ENTREP2: variants seen among roughly 807,000 people sequenced by gnomAD.
ENTREP2 encodes the protein endosomal transmembrane epsin interactor 2.
the ENTREP2 span, among the ~76,000 whole-genome samples, chr15:29,190,431 G>A: frequency 6.6e-6 from 1 of 152,116 alleles, no homozygotes; most frequent in African/African-American, 2.4e-5. Flanking sequence ...GGGGTTTCGG[G>A]GCCTCCAAAC....
the ENTREP2 span, among the ~76,000 whole-genome samples, chr15:29,668,122 A>C: frequency 6.6e-6 from 1 of 152,200 alleles, no homozygotes; most frequent in Non-Finnish European, 1.5e-5. Flanking sequence ...TAGCCAATCA[A>C]TCGTGGAAGA....
the ENTREP2 span, among the ~76,000 whole-genome samples, chr15:29,368,337 A>AT: frequency 0.026 from 3,831 of 146,106 alleles, 144 homozygotes; most frequent in African/African-American, 0.079. Context: ...CAAAAAAAAA[A>AT]ATATATATAT....
the ENTREP2 span, among the ~76,000 whole-genome samples, chr15:29,586,637 TACTCAGGA>T: frequency 6.6e-6 from 1 of 151,850 alleles, no homozygotes; most frequent in Non-Finnish European, 1.5e-5. Flanking sequence ...CACACCCAGC[TACTCAGGA>T]GGCTGAGACA....
chr15:29,618,157 C>T, the ENTREP2 span, among the ~76,000 whole-genome samples: 1 of 152,162 alleles, frequency 6.6e-6, no homozygotes, highest in African/African-American at 2.4e-5. Context: ...GGCGTGGTAG[C>T]TCACGCCTGT....
the ENTREP2 span, among the ~76,000 whole-genome samples, chr15:29,462,540 G>A: frequency 5.7e-3 from 862 of 152,210 alleles, 7 homozygotes; most frequent in African/African-American, 0.02. Flanking sequence ...AACCCAGGAG[G>A]TGGAGGTTGC....
At chr15:29,602,831 G>C in the ENTREP2 span, among the ~76,000 whole-genome samples, 1 of 152,178 alleles carries the variant, frequency 6.6e-6, no homozygotes, top group Non-Finnish European at 1.5e-5. Flanking sequence ...AGAGCTAAGT[G>C]ATCTGATCCA....
the ENTREP2 span, chr15:29,120,770 A>T: frequency 6.6e-6 from 1 of 152,216 alleles, no homozygotes; most frequent in Non-Finnish European, 1.5e-5. Flanking sequence ...CGGGGGAAAG[A>T]CGCATAGGGA....
chr15:29,499,165 C>G, the ENTREP2 span, among the ~76,000 whole-genome samples: 1 of 152,110 alleles, frequency 6.6e-6, no homozygotes, highest in Non-Finnish European at 1.5e-5. Flanking sequence ...TAAGAACTTT[C>G]AATTGTCATT....
At chr15:29,166,333 A>C in the ENTREP2 span, among the ~76,000 whole-genome samples, 5,759 of 152,274 alleles carry the variant, frequency 0.038, 335 homozygotes, top group African/African-American at 0.13. Context: ...TAATCAGACA[A>C]GAGAAAGAAA....
the ENTREP2 span, among the ~76,000 whole-genome samples, chr15:29,413,556 T>C: frequency 1.4e-3 from 206 of 152,300 alleles, no homozygotes; most frequent in African/African-American, 4.8e-3. Flanking sequence ...TTGGTTGACA[T>C]CTGCCCACCC....
chr15:29,556,833 G>A, the ENTREP2 span, among the ~76,000 whole-genome samples: 573 of 140,606 alleles, frequency 4.1e-3, 8 homozygotes, highest in African/African-American at 0.015. Context: ...CTCCAACTCC[G>A]GCTCTCATCA....
chr15:29,566,419 C>T, the ENTREP2 span, among the ~76,000 whole-genome samples: 1,207 of 152,076 alleles, frequency 7.9e-3, 12 homozygotes, highest in African/African-American at 0.028. Flanking sequence ...CTGCCTCGGC[C>T]TCCCAAAGTG....
the ENTREP2 span, among the ~76,000 whole-genome samples, chr15:29,147,537 T>C: frequency 6.6e-6 from 1 of 150,532 alleles, no homozygotes; most frequent in East Asian, 2.0e-4. Context: ...ACCACCATGA[T>C]GGTTATAATT....
chr15:29,199,028 T>A, the ENTREP2 span, among the ~76,000 whole-genome samples: 1 of 152,262 alleles, frequency 6.6e-6, no homozygotes, highest in Middle Eastern at 3.2e-3. Flanking sequence ...GCTAATTTTT[T>A]TGCAATAAGA....
chr15:29,607,905 T>G, the ENTREP2 span, among the ~76,000 whole-genome samples: 1 of 151,940 alleles, frequency 6.6e-6, no homozygotes, highest in African/African-American at 2.4e-5. Flanking sequence ...AATTATATGG[T>G]CACAAGGTCC....
chr15:29,466,765 C>A, the ENTREP2 span, among the ~76,000 whole-genome samples: 2 of 126,950 alleles, frequency 1.6e-5, no homozygotes, highest in Admixed American at 8.0e-5. Flanking sequence ...GGAGAGGACG[C>A]TGCAGCCCCC....
chr15:29,568,124 G>A, the ENTREP2 span, among the ~76,000 whole-genome samples: 1 of 152,234 alleles, frequency 6.6e-6, no homozygotes, highest in Admixed American at 6.5e-5. Flanking sequence ...TTTCTGCAAA[G>A]TGTTGTAGAC....
chr15:29,511,809 C>T, the ENTREP2 span, among the ~76,000 whole-genome samples: 1 of 146,872 alleles, frequency 6.8e-6, no homozygotes, highest in African/African-American at 2.5e-5. Context: ...CTTACCCCAG[C>T]ATATCTAGGA....
the ENTREP2 span, among the ~76,000 whole-genome samples, chr15:29,648,729 G>A: frequency 3.9e-5 from 6 of 152,284 alleles, no homozygotes; most frequent in African/African-American, 1.2e-4. Context: ...CCTGAGGTCA[G>A]GAGTTCAAGA....
Sources: gnomAD v4.1 joint callset for allele counts (sites outside exome capture counted in the v4.1 genomes callset) on GRCh38, gnomAD v4.1.1 for gene constraint, MANE v1.5 for transcripts, NCBI Gene and HGNC (gene_info 2026-07-23, HGNC 2026-07-21) for gene names.